The following GRID2 variants were observed in gnomAD, a reference collection of about 807,000 sequenced individuals.
GRID2 encodes the protein glutamate receptor ionotropic, delta-2.
A neutral mutation model predicts 114.8 loss-of-function variants in GRID2; 33 were observed. That is an observed-to-expected ratio of 0.29 (90% CI 0.22 to 0.38). The LOEUF is 0.38. Ranked by LOEUF, GRID2 falls within the 10% of genes least tolerant of loss-of-function variation. The pLI, the probability that GRID2 is intolerant of heterozygous loss-of-function variation, is 1.00. For missense variants in GRID2, 1,184 were observed against 1,257.7 expected, an observed-to-expected ratio of 0.94 and a Z score of 0.89; for synonymous variants, 505 against 449.9, an observed-to-expected ratio of 1.12 and a Z score of -1.55.
intron 14 of GRID2, among the ~76,000 whole-genome samples, chr4:93,721,241 A>G (rs985228000): frequency 6.6e-6 from 1 of 152,196 alleles, no homozygotes; most frequent in Non-Finnish European, 1.5e-5. Context: ...AGCTCCTAAA[A>G]AGGGATAAAA....
chr4:92,365,343 T>C (rs1444792373), intron 1 of GRID2, among the ~76,000 whole-genome samples: 1 of 152,060 alleles, frequency 6.6e-6, no homozygotes, highest in Non-Finnish European at 1.5e-5. Context: ...CATGGATGAA[T>C]CTAGAGAACA....
intron 1 of GRID2, among the ~76,000 whole-genome samples, chr4:92,322,677 C>T (rs1333699581): frequency 6.6e-6 from 1 of 152,108 alleles, no homozygotes; most frequent in Non-Finnish European, 1.5e-5. Flanking sequence ...CTGTGATCAG[C>T]TTGAAGTTTG....
At chr4:93,389,643 A>G (rs1198325834) in intron 8 of GRID2, among the ~76,000 whole-genome samples, 1 of 152,186 alleles carries the variant, frequency 6.6e-6, no homozygotes, top group Non-Finnish European at 1.5e-5. Flanking sequence ...TTCATATCAT[A>G]TTTATTATAA....
intron 1 of GRID2, among the ~76,000 whole-genome samples, chr4:92,406,598 C>T (rs1347837974): frequency 6.6e-6 from 1 of 151,788 alleles, no homozygotes; most frequent in African/African-American, 2.4e-5. Context: ...AAGTTTGTTA[C>T]ATGGGTAAAT....
intron 12 of GRID2, among the ~76,000 whole-genome samples, chr4:93,495,926 G>C (rs914966908): frequency 1.3e-5 from 2 of 151,732 alleles, no homozygotes; most frequent in Non-Finnish European, 2.9e-5. Flanking sequence ...AAGTAAAAAG[G>C]AAGACAGTGA....
intron 2 of GRID2, among the ~76,000 whole-genome samples, chr4:92,989,291 A>AT (rs1268162171): frequency 6.0e-4 from 87 of 146,166 alleles, no homozygotes; most frequent in East Asian, 3.4e-3. Context: ...AAAAAAAAAA[A>AT]AAAAAAAAAA....
chr4:93,798,666 C>A (rs570240270), intron 1 of GRID2, among the ~76,000 whole-genome samples: 1 of 152,188 alleles, frequency 6.6e-6, no homozygotes, highest in Admixed American at 6.5e-5. Context: ...CAGAAGTGCT[C>A]TTATGTGTTA....
Position 92,934,937 on chromosome 4 carries a change from A to G in GRID2, c.245-150058A>G, listed in dbSNP as rs1750542000. ...TTCGACCTAAAACCATAAAAACCCT[A>G]GAAGAAAACCTAGGCATTACCATTC... On this transcript the variant is annotated intron_variant, in intron 2 of 15. Transcript: ENST00000282020. Among the ~76,000 whole-genome samples, 2 of 146,930 alleles carry G rather than the reference A, an allele frequency of 1.4e-5. 1 individual carries two copies. The highest frequency in any genetic ancestry group is 4.4e-4 in the East Asian group (2 of 4,592).
At chr4:92,537,913 T>G (rs1361313030) in intron 1 of GRID2, among the ~76,000 whole-genome samples, 2 of 151,900 alleles carry the variant, frequency 1.3e-5, no homozygotes, top group African/African-American at 4.8e-5. Flanking sequence ...TGACAATGTA[T>G]TAAGTAGATT....
At chr4:93,148,130 C>T (rs1413426409) in intron 4 of GRID2, among the ~76,000 whole-genome samples, 1 of 152,142 alleles carries the variant, frequency 6.6e-6, no homozygotes, top group Non-Finnish European at 1.5e-5. Flanking sequence ...TACCAGGCAG[C>T]GTACAAAGTT....
At chr4:93,407,702 TCTCCTCCTCCTCCTCCTCCTTCTCCTC>T (rs1766600370) in intron 9 of GRID2, among the ~76,000 whole-genome samples, 3 of 117,418 alleles carry the variant, frequency 2.6e-5, no homozygotes, top group African/African-American at 4.2e-5. Flanking sequence ...GTTTGGAAGG[TCTCCTCCTCCTCCTCCTCCTTCTCCTC>T]CTCCTCCTCC....
At chr4:92,646,642 G>A (rs1191532383) in intron 2 of GRID2, among the ~76,000 whole-genome samples, 1 of 152,206 alleles carries the variant, frequency 6.6e-6, no homozygotes, top group African/African-American at 2.4e-5. Context: ...TAATCCTTTT[G>A]ATTTGTTATT....
chr4:92,855,133 T>C (rs1169379056), intron 2 of GRID2, among the ~76,000 whole-genome samples: 1 of 152,064 alleles, frequency 6.6e-6, no homozygotes, highest in Non-Finnish European at 1.5e-5. Flanking sequence ...AAATCTAGCA[T>C]TGTGAGACTA....
At chr4:93,344,823 T>C (rs1453416457) in intron 8 of GRID2, among the ~76,000 whole-genome samples, 1 of 151,904 alleles carries the variant, frequency 6.6e-6, no homozygotes, top group Non-Finnish European at 1.5e-5. Flanking sequence ...ACCCTCTACT[T>C]GTATGAATTT....
chr4:93,022,782 T>C (rs1402297831), intron 2 of GRID2, among the ~76,000 whole-genome samples: 1 of 152,040 alleles, frequency 6.6e-6, no homozygotes, highest in Admixed American at 6.6e-5. Context: ...TTTTCTTATT[T>C]TGTTCAACTT....
At chr4:93,214,417 C>G (rs908672265) in intron 5 of GRID2, among the ~76,000 whole-genome samples, 1 of 151,884 alleles carries the variant, frequency 6.6e-6, no homozygotes, top group African/African-American at 2.4e-5. Context: ...TCGAAATGCC[C>G]CTTTTGAAAT....
chr4:92,924,635 A>T (rs1374313736), intron 2 of GRID2, among the ~76,000 whole-genome samples: 1 of 152,088 alleles, frequency 6.6e-6, no homozygotes, highest in Non-Finnish European at 1.5e-5. Context: ...ATGAGGTTAT[A>T]TTTTTCTAGT....
intron 13 of GRID2, among the ~76,000 whole-genome samples, chr4:93,578,585 G>GTTT (rs1736642083): frequency 1.7e-5 from 2 of 115,260 alleles, no homozygotes; most frequent in African/African-American, 7.6e-5. Context: ...CTTGTTTTTT[G>GTTT]TATTTTTTTT....
intron 1 of GRID2, among the ~76,000 whole-genome samples, chr4:93,801,229 TAA>T (rs1413792617): frequency 6.6e-6 from 1 of 152,150 alleles, no homozygotes; most frequent in Non-Finnish European, 1.5e-5. Context: ...AATTTCTAGT[TAA>T]GTTTCCCTTT....
Sources: gnomAD v4.1 joint callset for allele counts (sites outside exome capture counted in the v4.1 genomes callset) on GRCh38, gnomAD v4.1.1 for gene constraint, MANE v1.5 for transcripts, NCBI Gene and HGNC (gene_info 2026-07-23, HGNC 2026-07-21) for gene names.